Variants in ATP7B observed in about 807,000 individuals in gnomAD.
ATP7B encodes ATPase copper transporting beta, also known as copper-transporting ATPase 2.
A neutral mutation model predicts 118.9 loss-of-function variants in ATP7B; 113 were observed. The ratio of observed to expected loss-of-function variants is 0.95; its 90% CI spans 0.82 to 1.11. The LOEUF is 1.11. Ranked by LOEUF, ATP7B falls within the 50% of genes most tolerant of loss-of-function variation. The pLI is 0.00. For synonymous variants in ATP7B, 777 were observed against 727.4 expected, an observed-to-expected ratio of 1.07 and a Z score of -1.10; for missense variants, 1,867 against 1,871.4, an observed-to-expected ratio of 1.00 and a Z score of 0.04.
At chr13:51,943,689 T>C (rs778386539) in intron 14 of ATP7B, among the ~76,000 whole-genome samples, 1 of 152,172 alleles carries the variant, frequency 6.6e-6, no homozygotes, top group African/African-American at 2.4e-5. Flanking sequence ...CTGGTTCCTC[T>C]CTGTCCCAGG....
chr13:51,970,890 C>A, intron 2 of ATP7B, 141 bp from the exon 3 acceptor site: 1 of 608,820 alleles, frequency 1.6e-6, no homozygotes, highest in Admixed American at 2.9e-5. Context: ...CCAGTAACTA[C>A]CTTGTCCCTC....
chr13:51,946,454 T>G lies in ATP7B; in HGVS notation c.2890A>C (p.Thr964Pro), dbSNP rs1488587933. 6.2e-7 allele frequency: 1 copy of G among 1,614,174 alleles called. No homozygotes were observed. The highest frequency in any genetic ancestry group is 8.5e-7 in the Non-Finnish European group (1 of 1,180,026). The change falls in exon 13 of 21, where the codon ACA becomes CCA. Residue 964 changes from threonine to proline, a missense_variant. Transcript: ENST00000242839. ...AAAGCAAACCGGATGATCACCTCTG[T>G]CTGGGAGATGTGCTTGTTGGGGTTC... The part of the protein sequence containing the change: ...FPNPNKHISQ[T>P]EVIIRFAFQT...
At chr13:51,975,394 T>A (rs772673967) in intron 1 of ATP7B, 1 of 713,570 alleles carries the variant, frequency 1.4e-6, no homozygotes, top group South Asian at 1.4e-5. Flanking sequence ...TCCTCCTTAG[T>A]GAAATGTCGT....
chr13:51,940,828 GAC>G (rs2138763205), intron 16 of ATP7B, among the ~76,000 whole-genome samples: 1 of 152,186 alleles, frequency 6.6e-6, no homozygotes, highest in Non-Finnish European at 1.5e-5. Context: ...CAATGATGAT[GAC>G]ACAGACAGTT....
rs1593847916 is a variant in ATP7B, at chr13:51,993,260, A to G, written c.51+18027T>C. 2.0e-5 allele frequency among the ~76,000 whole-genome samples: 3 copies of G among 152,020 alleles called. No individual in the cohort carries two copies. In the South Asian group the frequency reaches 6.2e-4, roughly 31 times the overall value. ...TATATAGAGTATATGTTACTTTTATAATCAGAGCTTTAGAAAAAATAGAGC... is the reference window on the plus strand; with the variant it reads ...TATATAGAGTATATGTTACTTTTATGATCAGAGCTTTAGAAAAAATAGAGC... On this transcript the variant is annotated intron_variant, in intron 1 of 20. Transcript: ENST00000242839.
At chr13:52,011,254 C>G (rs752911775) in intron 1 of ATP7B, 33 bp downstream of exon 1, 3 of 1,614,046 alleles carry the variant, frequency 1.9e-6, no homozygotes, top group Non-Finnish European at 2.5e-6. Flanking sequence ...TGGGAGTGAG[C>G]ACGCTGCGCG....
At chr13:51,986,839 G>A (rs781246095) in intron 1 of ATP7B, among the ~76,000 whole-genome samples, 17 of 152,106 alleles carry the variant, frequency 1.1e-4, no homozygotes, top group Non-Finnish European at 1.9e-4. Flanking sequence ...CTCAATAGAC[G>A]CAGAGAAGAC....
chr13:52,007,943 G>A (rs1009040584), intron 1 of ATP7B, among the ~76,000 whole-genome samples: 1 of 151,936 alleles, frequency 6.6e-6, no homozygotes, highest in Non-Finnish European at 1.5e-5. Flanking sequence ...TCCTTTCCAG[G>A]AACCACCTTC....
intron 1 of ATP7B, among the ~76,000 whole-genome samples, chr13:52,008,870 T>A (rs1383659771): frequency 8.3e-6 from 1 of 120,510 alleles, no homozygotes; most frequent in Admixed American, 8.8e-5. Context: ...CTTATTCTGC[T>A]TTCTTTTCTT....
At chr13:51,949,397 G>T (rs930862825) in intron 12 of ATP7B, among the ~76,000 whole-genome samples, 7 of 152,128 alleles carry the variant, frequency 4.6e-5, no homozygotes, top group African/African-American at 1.7e-4. Context: ...TATTGTAAAT[G>T]CTTCAAGCAT....
rs753410039 is a variant in ATP7B, at chr13:51,950,172, G to C, written c.2576-11C>G. On this transcript the variant is annotated splice_polypyrimidine_tract_variant and intron_variant, in intron 10 of 20. Coordinates refer to ENST00000242839, the MANE Select transcript of ATP7B (RefSeq NM_000053.4). The stretch of plus-strand genomic sequence containing the variant: ...CTGGCATGGCTTCTCCTAGACGTAG[G>C]AAAGAGACAACTGTCACTTGCTCAG... 2 of 1,614,144 alleles carry C rather than the reference G, an allele frequency of 1.2e-6. No homozygotes were observed. The highest frequency in any genetic ancestry group is 1.6e-4 in the Middle Eastern group (1 of 6,062).
chr13:51,971,942 G>T (rs1951861543), intron 2 of ATP7B, among the ~76,000 whole-genome samples: 1 of 152,214 alleles, frequency 6.6e-6, no homozygotes, highest in African/African-American at 2.4e-5. Flanking sequence ...TCTTAGTGTT[G>T]GGCCCGCTGC....
intron 1 of ATP7B, among the ~76,000 whole-genome samples, chr13:51,983,123 G>A (rs1041135007): frequency 6.6e-5 from 10 of 152,140 alleles, no homozygotes; most frequent in Non-Finnish European, 8.8e-5. Flanking sequence ...CTAGCTCAGC[G>A]GATCCCACCC....
At chr13:51,954,312 C>T (rs1223143100) in intron 9 of ATP7B, among the ~76,000 whole-genome samples, 3 of 152,226 alleles carry the variant, frequency 2.0e-5, no homozygotes, top group African/African-American at 7.2e-5. Context: ...AGGCGGATGC[C>T]GGGCCTCACT....
intron 7 of ATP7B, 90 bp downstream of exon 7, chr13:51,960,058 T>C (rs1025028139): frequency 6.6e-6 from 10 of 1,504,856 alleles, no homozygotes; most frequent in Non-Finnish European, 9.2e-6. Flanking sequence ...TAAACCAAGC[T>C]AAAGCACTAT....
chr13:51,987,636 G>T (rs1027529241), intron 1 of ATP7B, among the ~76,000 whole-genome samples: 1 of 152,276 alleles, frequency 6.6e-6, no homozygotes, highest in South Asian at 2.1e-4. Flanking sequence ...CAAAGCCGGA[G>T]GCATCACACT....
intron 1 of ATP7B, among the ~76,000 whole-genome samples, chr13:51,991,096 G>GA (rs796717446): frequency 6.2e-4 from 84 of 134,586 alleles, no homozygotes; most frequent in East Asian, 4.5e-3. Context: ...CATATTTAAA[G>GA]AAAAAAAAAA....
intron 19 of ATP7B, among the ~76,000 whole-genome samples, chr13:51,936,084 C>T (rs544937844): frequency 3.2e-4 from 48 of 152,322 alleles, no homozygotes; most frequent in Non-Finnish European, 6.3e-4. Flanking sequence ...AGGACAAACA[C>T]GGCTGAGGGC....
At chr13:51,966,882 T>G in intron 4 of ATP7B, 1 of 1,612,960 alleles carries the variant, frequency 6.2e-7, no homozygotes, top group Non-Finnish European at 8.5e-7. Flanking sequence ...TCATCACTTG[T>G]GATGGCAGAA....
Sources: gnomAD v4.1 joint callset for allele counts (sites outside exome capture counted in the v4.1 genomes callset) on GRCh38, gnomAD v4.1.1 for gene constraint, MANE v1.5 for transcripts, NCBI Gene and HGNC (gene_info 2026-07-23, HGNC 2026-07-21) for gene names.